RBFOX1: variants seen among roughly 807,000 people sequenced by gnomAD.
RBFOX1 encodes the protein RNA binding protein fox-1 homolog 1.
In RBFOX1, 8 loss-of-function variants were observed where a neutral mutation model predicts 57.7. The observed-to-expected ratio is 0.14, with a 90% CI of 0.08 to 0.25. The LOEUF is 0.25. Among genes scored for constraint, RBFOX1 ranks in the 10% least tolerant of loss-of-function variants. The pLI is 1.00. For synonymous variants in RBFOX1, 326 were observed against 222.4 expected (o/e 1.47, Z -4.15); for missense variants, 611 against 548.5 (o/e 1.11, Z -1.14).
intron 3 of RBFOX1, among the ~76,000 whole-genome samples, chr16:6,928,509 T>C (rs569789136): frequency 1.3e-5 from 2 of 152,244 alleles, no homozygotes; most frequent in African/African-American, 2.4e-5. Flanking sequence ...GCGTTAATTA[T>C]GCACCTCTTG....
chr16:6,576,850 C>G (rs1309926560), intron 2 of RBFOX1: 2 of 152,192 alleles, frequency 1.3e-5, no homozygotes, highest in Non-Finnish European at 2.9e-5. Flanking sequence ...TCTGAAAATA[C>G]TAAAGGATAC....
At position 6,946,304 on chromosome 16, in the gene RBFOX1, C is replaced by T. The variant is rs555380342; in HGVS notation, c.-15-105753C>T. ...AATAACATATGGGTGTGGCTGTGTT[C>T]CAATAAAACTTTATTTACAAAAATA... On this transcript the variant is annotated intron_variant, in intron 3 of 15. Transcript: ENST00000550418. Among the ~76,000 whole-genome samples, 8 of 152,320 alleles carry T rather than the reference C, an allele frequency of 5.3e-5. 1 individual carries two copies. The East Asian group carries it at 1.5e-3, about 29-fold the overall frequency.
intron 3 of RBFOX1, among the ~76,000 whole-genome samples, chr16:6,674,921 T>G (rs1035963405): frequency 6.6e-6 from 1 of 152,074 alleles, no homozygotes; most frequent in Non-Finnish European, 1.5e-5. Flanking sequence ...TGTCTTTTGT[T>G]TTTTGACACA....
At chr16:6,060,122 G>GTTTTTTTTTTTTTTTTTTTTTTTTTTT (rs199690584) in intron 1 of RBFOX1, among the ~76,000 whole-genome samples, 14 of 114,198 alleles carry the variant, frequency 1.2e-4, no homozygotes, top group African/African-American at 2.9e-4. Flanking sequence ...TAGGATTAGG[G>GTTTTTTTTTTTTTTTTTTTTTTTTTTT]TTTTTTTTTT....
intron 10 of RBFOX1, among the ~76,000 whole-genome samples, chr16:7,623,260 G>A (rs1038812846): frequency 3.9e-5 from 6 of 152,152 alleles, no homozygotes; most frequent in Non-Finnish European, 8.8e-5. Context: ...GGGTCGGGTA[G>A]CAGGGATGGT....
intron 3 of RBFOX1, among the ~76,000 whole-genome samples, chr16:5,766,515 G>A (rs2053784335): frequency 6.6e-6 from 1 of 152,056 alleles, no homozygotes; most frequent in Non-Finnish European, 1.5e-5. Flanking sequence ...AATCCGGGAG[G>A]CAGAGGTTGC....
At chr16:7,426,692 T>A (rs2098618186) in intron 4 of RBFOX1, among the ~76,000 whole-genome samples, 1 of 152,138 alleles carries the variant, frequency 6.6e-6, no homozygotes, top group African/African-American at 2.4e-5. Context: ...GCGTTGCATA[T>A]TTTATCTGTC....
At chr16:7,585,810 C>A (rs957647382) in intron 6 of RBFOX1, among the ~76,000 whole-genome samples, 1 of 152,144 alleles carries the variant, frequency 6.6e-6, no homozygotes, top group African/African-American at 2.4e-5. Context: ...ACCCTCTTGA[C>A]ATTCACTCTC....
intron 2 of RBFOX1, among the ~76,000 whole-genome samples, chr16:6,568,876 A>G (rs559168803): frequency 2.4e-4 from 37 of 152,088 alleles, no homozygotes; most frequent in African/African-American, 8.9e-4. Context: ...TTAAGCGATT[A>G]TCCTGCCTCA....
chr16:6,827,880 C>T lies in RBFOX1; in HGVS notation c.-16+173230C>T, dbSNP rs1044929953. Among the ~76,000 whole-genome samples, 5 of 152,238 alleles carry T rather than the reference C, an allele frequency of 3.3e-5. No individual in the cohort carries two copies. In the East Asian group the frequency reaches 7.7e-4, roughly 23 times the overall value. On this transcript the variant is annotated intron_variant, in intron 3 of 15. Transcript: ENST00000550418. ...CCTCTTAGAGCACTGGGCTATTCTCCTGGGAGGCAGTAATTCCAGTAGTAA... is the reference window on the plus strand; with the variant it reads ...CCTCTTAGAGCACTGGGCTATTCTCTTGGGAGGCAGTAATTCCAGTAGTAA...
intron 4 of RBFOX1, among the ~76,000 whole-genome samples, chr16:7,061,907 G>A (rs1412348987): frequency 2.0e-5 from 3 of 152,108 alleles, no homozygotes; most frequent in Admixed American, 2.0e-4. Flanking sequence ...AATAAATAGG[G>A]CATCTCTAGT....
intron 1 of RBFOX1, among the ~76,000 whole-genome samples, chr16:6,036,700 C>G (rs147156705): frequency 0.023 from 3,436 of 152,190 alleles, 109 homozygotes; most frequent in African/African-American, 0.073. Context: ...CAACACGTCT[C>G]CTATTTCCTC....
intron 3 of RBFOX1, among the ~76,000 whole-genome samples, chr16:6,931,419 A>G (rs921310046): frequency 3.3e-5 from 5 of 152,022 alleles, no homozygotes; most frequent in African/African-American, 9.7e-5. Context: ...ATGAACCACT[A>G]AAGGCATAAT....
chr16:6,619,914 G>A lies in RBFOX1; in HGVS notation c.-63-34689G>A, dbSNP rs190011228. The stretch of plus-strand genomic sequence containing the variant: ...GTGTTGTTCCCCTCTGTGTGTCCAC[G>A]TGTTCTCATGGTTTAAGTCCCAGTT... On this transcript the variant is annotated intron_variant, in intron 2 of 15. Coordinates refer to ENST00000550418, the MANE Select transcript of RBFOX1 (RefSeq NM_018723.4). Among the ~76,000 whole-genome samples, 61 of 152,108 alleles carry A rather than the reference G, an allele frequency of 4.0e-4. 1 individual carries two copies. The East Asian group carries it at 9.1e-3, about 23-fold the overall frequency.
chr16:6,579,932 G>A (rs1299041672), intron 2 of RBFOX1, among the ~76,000 whole-genome samples: 3 of 151,874 alleles, frequency 2.0e-5, no homozygotes, highest in Non-Finnish European at 2.9e-5. Flanking sequence ...ATAGGTTCAT[G>A]GACCTGTTCA....
chr16:5,797,693 G>T (rs1193855455), intron 3 of RBFOX1, among the ~76,000 whole-genome samples: 2 of 152,150 alleles, frequency 1.3e-5, no homozygotes, highest in African/African-American at 4.8e-5. Flanking sequence ...CCAGATTGTG[G>T]TCAGAGGCCA....
intron 2 of RBFOX1, among the ~76,000 whole-genome samples, chr16:6,357,299 G>A (rs575227269): frequency 1.3e-5 from 2 of 152,138 alleles, no homozygotes; most frequent in Non-Finnish European, 2.9e-5. Flanking sequence ...TGGTGAGGTT[G>A]AGGGAGAGAC....
intron 4 of RBFOX1, among the ~76,000 whole-genome samples, chr16:7,112,699 T>TGTGTGTGTGTGTGTGG (rs1567305164): frequency 1.4e-5 from 2 of 146,918 alleles, no homozygotes; most frequent in African/African-American, 5.1e-5. Flanking sequence ...TGTCTCTCTG[T>TGTGTGTGTGTGTGTGG]CTGTCTGTCC....
intron 3 of RBFOX1, among the ~76,000 whole-genome samples, chr16:7,030,713 C>G (rs1464561190): frequency 6.6e-5 from 10 of 152,268 alleles, no homozygotes; most frequent in Non-Finnish European, 1.5e-4. Flanking sequence ...AGGCCACATT[C>G]TGAGGTTCTG....
Sources: gnomAD v4.1 joint callset for allele counts (sites outside exome capture counted in the v4.1 genomes callset) on GRCh38, gnomAD v4.1.1 for gene constraint, MANE v1.5 for transcripts, NCBI Gene and HGNC (gene_info 2026-07-23, HGNC 2026-07-21) for gene names.